Variants in DUXA observed in about 807,000 individuals in gnomAD.
DUXA encodes the protein double homeobox A.
DUXA carries 25 observed loss-of-function variants against 27.5 expected under a neutral mutation model. The observed-to-expected ratio is 0.91, with a 90% CI of 0.66 to 1.27. The LOEUF is 1.27. DUXA is among the 50% of genes most tolerant of loss of function. The probability of loss-of-function intolerance (pLI) is 0.00; values close to 1 mark genes in which losing one functional copy is unlikely to be tolerated. For synonymous variants in DUXA, 90 were observed against 80.5 expected (o/e 1.12, Z -0.63); for missense variants, 247 against 242.9 (o/e 1.02, Z -0.11).
intron 1 of DUXA, among the ~76,000 whole-genome samples, chr19:57,163,047 C>T (rs1366613868): frequency 6.6e-6 from 1 of 152,080 alleles, no homozygotes; most frequent in Non-Finnish European, 1.5e-5. Flanking sequence ...ACGCGACATT[C>T]CACTTGGCTT....
intron 1 of DUXA, among the ~76,000 whole-genome samples, chr19:57,163,089 A>G (rs187457612): frequency 3.9e-5 from 6 of 151,952 alleles, no homozygotes; most frequent in Non-Finnish European, 7.4e-5. Context: ...CTGCCATGAT[A>G]TCTAACTTCC....
At chr19:57,158,555 A>G (rs756485537) in intron 3 of DUXA, 82 bp from the exon 4 acceptor site, 74 of 1,517,000 alleles carry the variant, frequency 4.9e-5, no homozygotes, top group Non-Finnish European at 6.1e-5. Flanking sequence ...ACAGAACCCA[A>G]ACTTGTCACT....
At chr19:57,155,892 C>A (rs1459635878) in intron 4 of DUXA, among the ~76,000 whole-genome samples, 2 of 152,174 alleles carry the variant, frequency 1.3e-5, no homozygotes, top group African/African-American at 4.8e-5. Flanking sequence ...TGGTCTTGAA[C>A]TCCCGACCTC....
At chr19:57,165,309 GAAAAAAAA>G (rs71186231) in intron 1 of DUXA, among the ~76,000 whole-genome samples, 2 of 116,416 alleles carry the variant, frequency 1.7e-5, no homozygotes, top group African/African-American at 6.4e-5. Flanking sequence ...TCTGGAGTAG[GAAAAAAAA>G]AAAAAAAATA....
rs202088667 is a variant in DUXA, at chr19:57,160,767, C to T, written c.56G>A (p.Arg19His). 127 of 1,613,924 alleles carry T rather than the reference C, an allele frequency of 7.9e-5. No homozygotes were observed. The highest frequency in any genetic ancestry group is 1.0e-4 in the Non-Finnish European group (121 of 1,180,012). ...CAACTGTTCTTCTGTGAATTTTGTGCGACAGCGCCTATGATTTGTTTTTAC... is the reference window on the plus strand; with the variant it reads ...CAACTGTTCTTCTGTGAATTTTGTGTGACAGCGCCTATGATTTGTTTTTAC... ...KMVKTNHRRC[R>H]TKFTEEQLKI... is the part of the protein sequence containing the mutation. Residue 19 changes from arginine to histidine, a missense_variant, in exon 2 of 6, where the codon CGC becomes CAC. By Grantham distance (29) the Arg-to-His change is conservative. Transcript: ENST00000554048.
intron 1 of DUXA, among the ~76,000 whole-genome samples, chr19:57,166,464 C>T (rs570070839): frequency 1.3e-5 from 2 of 152,274 alleles, no homozygotes; most frequent in African/African-American, 4.8e-5. Context: ...CGCCCACCAC[C>T]ACGCCTGGTT....
intron 4 of DUXA, among the ~76,000 whole-genome samples, chr19:57,155,646 A>AAGATAGAT (rs35512413): frequency 0.036 from 5,186 of 144,070 alleles, 112 homozygotes; most frequent in Admixed American, 0.046. Flanking sequence ...TGCCCAACCC[A>AAGATAGAT]AGATAGATAG....
In DUXA at chr19:57,158,366, G is replaced by C. The variant is rs1238708312; in HGVS notation, c.400C>G (p.Leu134Val). ...TCTGGAACACCGATTTCTTTAGCAA[G>C]TTCTTCTCTGGAATCAATCCCAGGA... Reference protein sequence around the residue: ...PYPGIDSREELAKEIGVPESR... With the variant: ...PYPGIDSREEVAKEIGVPESR... Residue 134 changes from leucine to valine, a missense_variant, in exon 4 of 6, where the codon CTT (leucine) becomes GTT (valine). Coordinates refer to ENST00000554048, the MANE Select transcript of DUXA (RefSeq NM_001012729.2). 10 of 1,612,434 alleles carry C rather than the reference G, an allele frequency of 6.2e-6. No homozygotes were observed. The highest frequency in any genetic ancestry group is 8.5e-6 in the Non-Finnish European group (10 of 1,179,970).
At chr19:57,154,732 T>C (rs1056502018) in intron 5 of DUXA, among the ~76,000 whole-genome samples, 21 of 151,868 alleles carry the variant, frequency 1.4e-4, no homozygotes, top group African/African-American at 4.6e-4. Context: ...CTCGGCTAAT[T>C]GTTTGTATTT....
chr19:57,154,590 G>A (rs1225895487), intron 5 of DUXA, 108 bp from the exon 6 acceptor site: 2 of 835,006 alleles, frequency 2.4e-6, no homozygotes, highest in Non-Finnish European at 3.6e-6. Context: ...TTTAGACGGA[G>A]TCTCACTTTG....
chr19:57,165,116 C>T (rs1188617368), intron 1 of DUXA, among the ~76,000 whole-genome samples: 1 of 151,794 alleles, frequency 6.6e-6, no homozygotes, highest in Non-Finnish European at 1.5e-5. Context: ...AAAACAAGTG[C>T]CCTAAAATAA....
In DUXA at chr19:57,160,733, G is replaced by A. The variant is rs1404328434; in HGVS notation, c.90C>T (p.Leu30=). ...AAGGCTTTTGATTGAAGGTATTGAT[G>A]AGGATTTTCAACTGTTCTTCTGTGA... is the stretch of plus-strand genomic sequence containing the variant. ...TKFTEEQLKI[L]INTFNQKPYP... Residue 30 remains leucine, a synonymous_variant, in exon 2 of 6, where the codon CTC becomes CTT. Transcript: ENST00000554048. 1 of 1,614,170 alleles carries A rather than the reference G, an allele frequency of 6.2e-7. No homozygotes were observed. Among genetic ancestry groups the A allele is most frequent in the Admixed American group, 1.7e-5 (1 of 60,022 alleles).
chr19:57,160,710 G>A lies in DUXA; in HGVS notation c.113C>T (p.Pro38Leu), dbSNP rs1464263259. The change falls in exon 2 of 6, where the codon CCT (proline) becomes CTT (leucine). Residue 38 changes from proline (P) to leucine (L), a missense_variant. Physicochemically the swap from Pro to Leu is moderately conservative, Grantham distance 98. Coordinates refer to ENST00000554048, the MANE Select transcript of DUXA (RefSeq NM_001012729.2). Reference sequence around the variant, plus strand: ...TTGTTTGGTAGCATAACCTGGGTAAGGCTTTTGATTGAAGGTATTGATGAG... The same window carrying A: ...TTGTTTGGTAGCATAACCTGGGTAAAGCTTTTGATTGAAGGTATTGATGAG... ...KILINTFNQK[P>L]YPGYATKQKL... 6.2e-7 allele frequency: 1 copy of A among 1,613,974 alleles called. No individual in the cohort carries two copies. Among genetic ancestry groups the A allele is most frequent in the African/African-American group, 1.3e-5 (1 of 74,914 alleles).
intron 1 of DUXA, among the ~76,000 whole-genome samples, chr19:57,164,002 G>C (rs1229976713): frequency 6.6e-6 from 1 of 152,046 alleles, no homozygotes; most frequent in Non-Finnish European, 1.5e-5. Context: ...GGTTCCTTGA[G>C]TCCAGGAGTT....
Position 57,159,172 on chromosome 19 carries a change from A to C in DUXA, c.287T>G (p.Phe96Cys). 1 of 1,612,914 alleles carries C rather than the reference A, an allele frequency of 6.2e-7. No homozygotes were observed. Among genetic ancestry groups the C allele is most frequent in the African/African-American group, 1.3e-5 (1 of 74,948 alleles). The change falls in exon 3 of 6, where the codon TTT becomes TGT. Residue 96 changes from phenylalanine to cysteine, a missense_variant. Transcript: ENST00000554048. ...SQGQDQPGVE[F>C]QSREARRCRT... ...GAACTAAGAGGGTTATTTACTTTGA[A>C]ACTCCACACCAGGTTGATCTTGCCC...
chr19:57,157,894 T>C (rs899565868), intron 4 of DUXA, among the ~76,000 whole-genome samples: 28 of 151,606 alleles, frequency 1.8e-4, no homozygotes, highest in African/African-American at 6.8e-4. Flanking sequence ...CTCAGGCAGC[T>C]GAAGCACAAA....
At chr19:57,163,659 G>C (rs1311270810) in intron 1 of DUXA, among the ~76,000 whole-genome samples, 1 of 151,076 alleles carries the variant, frequency 6.6e-6, no homozygotes, top group African/African-American at 2.5e-5. Context: ...GGCCAGGCTG[G>C]TCTGGATGAT....
intron 1 of DUXA, among the ~76,000 whole-genome samples, chr19:57,165,341 A>ATG (rs1568465277): frequency 4.2e-5 from 6 of 141,972 alleles, no homozygotes; most frequent in Non-Finnish European, 9.1e-5. Context: ...ATATATATAT[A>ATG]TATGTATATA....
chr19:57,159,251 G>A lies in DUXA; in HGVS notation c.208C>T (p.His70Tyr), dbSNP rs1278134744. The A allele has an allele frequency of 6.2e-7, 1 of 1,613,906 alleles. No individual in the cohort carries two copies. The highest frequency in any genetic ancestry group is 1.7e-5 in the Admixed American group (1 of 59,932). Residue 70 changes from histidine (H) to tyrosine (Y), a missense_variant, in exon 3 of 6, where the codon CAC becomes TAC. Physicochemically the swap from His to Tyr is moderately conservative, Grantham distance 83. Coordinates refer to ENST00000554048, the MANE Select transcript of DUXA (RefSeq NM_001012729.2). ...QIWFQNRRAR[H>Y]GFQKRPEAET... is the part of the protein sequence containing the mutation. ...GCTTCTGGTCTTTTCTGGAATCCGTGCCTAGCTCTTCGATTCTGAAACCAA... is the reference window on the plus strand; with the variant it reads ...GCTTCTGGTCTTTTCTGGAATCCGTACCTAGCTCTTCGATTCTGAAACCAA...
Sources: allele counts gnomAD v4.1 joint callset (sites outside exome capture counted in the v4.1 genomes callset), GRCh38; gene constraint gnomAD v4.1.1; transcripts MANE v1.5; gene names NCBI Gene and HGNC (gene_info 2026-07-23, HGNC 2026-07-21).